The following RNF130 variants were observed in gnomAD, a reference collection of about 807,000 sequenced individuals.
The protein encoded by RNF130 is ring finger protein 130.
In RNF130, 21 loss-of-function variants were observed where a neutral mutation model predicts 44.6. That is an observed-to-expected ratio of 0.47 (90% CI 0.33 to 0.68). The LOEUF (loss-of-function observed/expected upper bound fraction) is 0.68. Among genes scored for constraint, RNF130 ranks in the 30% least tolerant of loss-of-function variants. RNF130 has a pLI of 0.02. For missense variants in RNF130, 479 were observed against 560.6 expected (o/e 0.85, Z 1.47); for synonymous variants, 214 against 210.4 (o/e 1.02, Z -0.15).
chr5:179,991,226 A>G (rs1024525818), intron 3 of RNF130, among the ~76,000 whole-genome samples: 1 of 151,954 alleles, frequency 6.6e-6, no homozygotes, highest in African/African-American at 2.4e-5. Context: ...TCTCTTGTTG[A>G]TTTTAGAATT....
chr5:179,995,192 T>G (rs181140265), intron 3 of RNF130, among the ~76,000 whole-genome samples: 1 of 149,282 alleles, frequency 6.7e-6, no homozygotes, highest in Admixed American at 6.8e-5. Context: ...GCAAACAGTA[T>G]GGGACCTGCC....
At chr5:179,938,910 A>G (rs467764) in intron 7 of RNF130, among the ~76,000 whole-genome samples, 83,833 of 151,876 alleles carry the variant, frequency 0.55, 25,410 homozygotes, top group African/African-American at 0.79. Context: ...ATCTTGTCCT[A>G]CCACTAAAGA....
intron 1 of RNF130, among the ~76,000 whole-genome samples, chr5:180,044,638 C>T (rs932236153): frequency 1.1e-4 from 17 of 152,080 alleles, no homozygotes; most frequent in African/African-American, 3.6e-4. Flanking sequence ...TCGAGACCAG[C>T]CTGACCAACA....
chr5:180,067,804 G>T (rs369438114), intron 1 of RNF130, among the ~76,000 whole-genome samples: 1 of 152,190 alleles, frequency 6.6e-6, no homozygotes, highest in South Asian at 2.1e-4. Context: ...TGCCTTTGCT[G>T]TTATGAATTC....
At position 180,047,864 on chromosome 5, in the gene RNF130, CCA is replaced by C. The variant is rs138092483; in HGVS notation, c.248-7219_248-7218del. Among the ~76,000 whole-genome samples the C allele has an allele frequency of 6.6e-3, 1,008 of 152,352 alleles. 7 individuals are homozygous for C. Among genetic ancestry groups the C allele is most frequent in the African/African-American group, 0.019 (804 of 41,574 alleles). ...TCCTCCAGGCTTTCCTCCTGCACTACCACAGTCATTCTTTGGGTCTTTACTGC... is the reference window on the plus strand; with the variant it reads ...TCCTCCAGGCTTTCCTCCTGCACTACCAGTCATTCTTTGGGTCTTTACTGC... On this transcript the variant is annotated intron_variant, in intron 1 of 8. Coordinates refer to ENST00000521389, the MANE Select transcript of RNF130 (RefSeq NM_018434.6).
Position 179,939,946 on chromosome 5 carries a change from A to G in RNF130, c.1151-19520T>C, listed in dbSNP as rs993205499. 1.8e-5 allele frequency: 4 copies of G among 217,300 alleles called. No individual in the cohort carries two copies. In the Admixed American group the frequency reaches 2.0e-4, roughly 11 times the overall value. The allele number at this position is 217,300 out of a possible 1,614,324, so 13.5% of individuals were successfully genotyped here. A position where few individuals can be genotyped will look rare whatever the true frequency, so the allele number is the denominator to read the frequency against. On this transcript the variant is annotated intron_variant, in intron 7 of 7. Coordinates refer to the RNF130 transcript ENST00000522208. The stretch of plus-strand genomic sequence containing the variant: ...TCTGTCTAATCCTTCTTTGTCATAA[A>G]CGTCCCTTTTTTTTTTTTCTAGCAT...
intron 3 of RNF130, among the ~76,000 whole-genome samples, chr5:179,997,265 C>T (rs1237263230): frequency 6.6e-6 from 1 of 152,120 alleles, no homozygotes; most frequent in Non-Finnish European, 1.5e-5. Context: ...TCTCAGCCTC[C>T]TGAGTAGCTG....
At chr5:179,958,168 C>T (rs1042324456) in intron 8 of RNF130, among the ~76,000 whole-genome samples, 4 of 152,198 alleles carry the variant, frequency 2.6e-5, no homozygotes, top group Non-Finnish European at 4.4e-5. Context: ...TGAGCCACCG[C>T]GCCCGGCCAA....
At chr5:179,914,281 T>A (rs1328582438) in exon 8 of RNF130, 2 of 152,302 alleles carry the variant, frequency 1.3e-5, no homozygotes, top group Non-Finnish European at 2.9e-5. Flanking sequence ...CTTACTCATC[T>A]TCCCACACTC....
intron 3 of RNF130, among the ~76,000 whole-genome samples, chr5:180,003,729 C>T (rs183999155): frequency 2.0e-4 from 31 of 152,248 alleles, no homozygotes; most frequent in Admixed American, 2.0e-3. Flanking sequence ...TTGCATCCGG[C>T]TAACTCTCAA....
rs1489658551 is a variant in RNF130, at chr5:179,977,774, C to G, written c.848+429G>C. On this transcript the variant is annotated intron_variant, in intron 5 of 8. Transcript: ENST00000521389. This position sits in a 1 kb window ranked among gnomAD's most constrained non-coding sequence, Gnocchi z 4.1. ...GGCTGAGGCAGGAGAATGGCATGAA[C>G]CCAGGAGGCGGAGCTTGCAGTGAGC... Among the ~76,000 whole-genome samples, 2 of 152,210 alleles carry G rather than the reference C, an allele frequency of 1.3e-5. No homozygotes were observed. Among genetic ancestry groups the G allele is most frequent in the African/African-American group, 4.8e-5 (2 of 41,454 alleles).
chr5:179,945,077 G>C (rs1582132912), intron 7 of RNF130, among the ~76,000 whole-genome samples: 1 of 152,210 alleles, frequency 6.6e-6, no homozygotes, highest in Non-Finnish European at 1.5e-5. Context: ...AGGAGTTCAA[G>C]ACCAGTTTGG....
chr5:179,974,855 G>A (rs776756907), intron 5 of RNF130, among the ~76,000 whole-genome samples: 45 of 152,350 alleles, frequency 3.0e-4, no homozygotes, highest in South Asian at 1.2e-3. Context: ...GGGGAGGAGC[G>A]GCATGGACCG....
At position 180,047,588 on chromosome 5, in the gene RNF130, T is replaced by C. The variant is rs888406631; in HGVS notation, c.248-6941A>G. On this transcript the variant is annotated intron_variant, in intron 1 of 8. Coordinates refer to ENST00000521389, the MANE Select transcript of RNF130 (RefSeq NM_018434.6). ...GGTGAAACCCTGTCTCTATTAAAAATACAAAATTTAGCTTGGCGTGGTGTG... is the reference window on the plus strand; with the variant it reads ...GGTGAAACCCTGTCTCTATTAAAAACACAAAATTTAGCTTGGCGTGGTGTG... Among the ~76,000 whole-genome samples the C allele has an allele frequency of 3.3e-5, 5 of 151,892 alleles. No homozygotes were observed. The East Asian group carries it at 9.7e-4, about 29-fold the overall frequency.
At chr5:180,029,667 G>A (rs1309134449) in intron 2 of RNF130, among the ~76,000 whole-genome samples, 6 of 152,084 alleles carry the variant, frequency 3.9e-5, no homozygotes, top group African/African-American at 1.4e-4. Context: ...GTAGTCCAAC[G>A]TAGCTGGGAC....
intron 7 of RNF130, among the ~76,000 whole-genome samples, chr5:179,920,747 G>A (rs1051323252): frequency 6.7e-6 from 1 of 150,354 alleles, no homozygotes; most frequent in Admixed American, 6.7e-5. Context: ...ATGGAGGACT[G>A]CCCCCCAGCC....
intron 7 of RNF130, among the ~76,000 whole-genome samples, chr5:179,946,634 A>G (rs933557047): frequency 4.0e-5 from 6 of 151,530 alleles, no homozygotes; most frequent in East Asian, 3.9e-4. Context: ...GCTCACTGCA[A>G]GCTCCGCCTC....
intron 2 of RNF130, among the ~76,000 whole-genome samples, chr5:180,020,853 G>A (rs1199348457): frequency 1.3e-5 from 2 of 152,196 alleles, no homozygotes; most frequent in Non-Finnish European, 2.9e-5. Context: ...GACTCTCAGT[G>A]AAGAATTTCC....
intron 6 of RNF130, among the ~76,000 whole-genome samples, chr5:179,969,727 C>A (rs566155368): frequency 1.3e-5 from 2 of 152,150 alleles, no homozygotes; most frequent in Non-Finnish European, 2.9e-5. Flanking sequence ...CGGTGGCTCA[C>A]GCCTGTAACC....
Sources: allele counts gnomAD v4.1 joint callset (sites outside exome capture counted in the v4.1 genomes callset), GRCh38; gene constraint gnomAD v4.1.1; non-coding constraint Gnocchi (gnomAD v3.1); transcripts MANE v1.5; gene names NCBI Gene and HGNC (gene_info 2026-07-23, HGNC 2026-07-21).